Variants in MAPRE2 observed in about 807,000 individuals in gnomAD.
MAPRE2 encodes microtubule associated protein RP/EB family member 2, also known as microtubule-associated protein RP/EB family member 2.
MAPRE2 carries 13 observed loss-of-function variants against 43.2 expected under a neutral mutation model. That is an observed-to-expected ratio of 0.30 (90% CI 0.20 to 0.48). MAPRE2 has a LOEUF of 0.48. Ranked by LOEUF, MAPRE2 falls within the 20% of genes least tolerant of loss-of-function variation. MAPRE2 has a pLI of 0.99. For missense variants in MAPRE2, 161 were observed against 400.2 expected, an observed-to-expected ratio of 0.40 and a Z score of 5.10; for synonymous variants, 135 against 148.8, an observed-to-expected ratio of 0.91 and a Z score of 0.68.
intron 2 of MAPRE2, among the ~76,000 whole-genome samples, chr18:35,077,128 A>G (rs1309503100): frequency 2.0e-5 from 3 of 152,258 alleles, no homozygotes; most frequent in African/African-American, 4.8e-5. Flanking sequence ...TTAACTTTAT[A>G]TAGTGCCTTA....
intron 4 of MAPRE2, among the ~76,000 whole-genome samples, chr18:35,106,114 TG>T (rs1197861857): frequency 7.9e-5 from 12 of 152,186 alleles, no homozygotes; most frequent in Non-Finnish European, 1.8e-4. Context: ...TTCACATATC[TG>T]TATCACATTT....
intron 1 of MAPRE2, among the ~76,000 whole-genome samples, chr18:34,985,508 A>ATT (rs2097020018): frequency 1.6e-5 from 1 of 61,370 alleles, no homozygotes; most frequent in African/African-American, 8.1e-5. Flanking sequence ...TATAATATAT[A>ATT]ATATATATAT....
intron 1 of MAPRE2, chr18:34,978,591 T>C (rs1320223639): frequency 6.5e-7 from 1 of 1,536,486 alleles, no homozygotes; most frequent in Non-Finnish European, 8.8e-7. Context: ...AACGCTAAAT[T>C]TGGCCAAATT....
intron 1 of MAPRE2, among the ~76,000 whole-genome samples, chr18:35,067,927 A>G (rs1906915107): frequency 6.6e-6 from 1 of 152,264 alleles, no homozygotes; most frequent in South Asian, 2.1e-4. Flanking sequence ...CAAAAAGTAA[A>G]AAACCTTCAA....
intron 2 of MAPRE2, among the ~76,000 whole-genome samples, chr18:35,089,253 G>A (rs995081631): frequency 6.6e-6 from 1 of 152,054 alleles, no homozygotes; most frequent in Non-Finnish European, 1.5e-5. Flanking sequence ...ATTATGCAGT[G>A]GTTTTTGGTT....
At chr18:35,031,365 A>G (rs970822893) in intron 2 of MAPRE2, among the ~76,000 whole-genome samples, 1 of 152,200 alleles carries the variant, frequency 6.6e-6, no homozygotes, top group African/African-American at 2.4e-5. Context: ...TTTCTTTTCT[A>G]TATTCCTAAT....
At chr18:35,027,268 G>A (rs1477915962) in intron 2 of MAPRE2, among the ~76,000 whole-genome samples, 1 of 152,158 alleles carries the variant, frequency 6.6e-6, no homozygotes, top group South Asian at 2.1e-4. Context: ...GTGGAACTTT[G>A]TGGCAGCCCT....
chr18:35,060,937 CAT>C (rs1906492860), intron 1 of MAPRE2, among the ~76,000 whole-genome samples: 2 of 151,998 alleles, frequency 1.3e-5, no homozygotes, highest in Admixed American at 1.3e-4. Flanking sequence ...TTTCTTAAAA[CAT>C]ATGTAGAATA....
At chr18:35,006,007 G>T (rs575505833) in intron 2 of MAPRE2, among the ~76,000 whole-genome samples, 4 of 152,176 alleles carry the variant, frequency 2.6e-5, no homozygotes, top group Non-Finnish European at 5.9e-5. Context: ...CAGAGATGAC[G>T]AACCTGGAAA....
chr18:35,080,829 AC>A (rs571375299), intron 2 of MAPRE2, among the ~76,000 whole-genome samples: 29 of 150,890 alleles, frequency 1.9e-4, no homozygotes, highest in Non-Finnish European at 3.4e-4. Context: ...TTTTTTTCCC[AC>A]CCTGAAACCA....
At chr18:35,041,695 C>G in intron 1 of MAPRE2, 34 bp downstream of exon 1, 1 of 1,613,806 alleles carries the variant, frequency 6.2e-7, no homozygotes, top group Non-Finnish European at 8.5e-7. Flanking sequence ...GCGCCGGGGA[C>G]CGCCGTGAGG....
chr18:35,060,738 G>A (rs933137186), intron 1 of MAPRE2, among the ~76,000 whole-genome samples: 2 of 152,144 alleles, frequency 1.3e-5, no homozygotes, highest in Non-Finnish European at 2.9e-5. Context: ...GTTTAGTTAC[G>A]ATAGGGTGGC....
intron 1 of MAPRE2, among the ~76,000 whole-genome samples, chr18:35,002,482 A>G (rs1568968130): frequency 6.6e-6 from 1 of 152,234 alleles, no homozygotes. Flanking sequence ...TTTTAAAACT[A>G]CAAAACTGTT....
chr18:34,998,232 T>G (rs976121281), intron 1 of MAPRE2, among the ~76,000 whole-genome samples: 1 of 152,112 alleles, frequency 6.6e-6, no homozygotes, highest in African/African-American at 2.4e-5. Flanking sequence ...GTCTTCACAT[T>G]GGCTCAAACA....
chr18:35,123,432 G>A (rs488120), intron 4 of MAPRE2, among the ~76,000 whole-genome samples: 62,309 of 151,992 alleles, frequency 0.41, 16,564 homozygotes, highest in African/African-American at 0.75. Context: ...TGGGTGGGTC[G>A]TCACATGCTA....
chr18:35,056,590 G>A (rs1455851222), intron 1 of MAPRE2, among the ~76,000 whole-genome samples: 5 of 152,064 alleles, frequency 3.3e-5, no homozygotes, highest in African/African-American at 1.2e-4. Flanking sequence ...GTTCAAATTG[G>A]CTCAAATACT....
At chr18:35,118,114 G>A (rs902319672) in intron 4 of MAPRE2, among the ~76,000 whole-genome samples, 2 of 152,104 alleles carry the variant, frequency 1.3e-5, no homozygotes, top group African/African-American at 4.8e-5. Context: ...ATGCTCAGGA[G>A]AGTCAGGCCC....
intron 2 of MAPRE2, among the ~76,000 whole-genome samples, chr18:35,013,120 T>A (rs1427587621): frequency 2.6e-5 from 4 of 152,152 alleles, no homozygotes; most frequent in Non-Finnish European, 4.4e-5. Context: ...TTAGTGATCT[T>A]GGTGAGAATA....
At chr18:35,056,676 A>G (rs564836542) in intron 1 of MAPRE2, among the ~76,000 whole-genome samples, 5 of 152,322 alleles carry the variant, frequency 3.3e-5, no homozygotes, top group African/African-American at 2.4e-5. Context: ...ATTTGTGCCT[A>G]TAGTAACATC....
Sources: gnomAD v4.1 joint callset for allele counts (sites outside exome capture counted in the v4.1 genomes callset) on GRCh38, gnomAD v4.1.1 for gene constraint, MANE v1.5 for transcripts, NCBI Gene and HGNC (gene_info 2026-07-23, HGNC 2026-07-21) for gene names.